Variants in SOX5 observed in about 807,000 individuals in gnomAD.
SOX5 encodes transcription factor SOX-5.
A neutral mutation model predicts 92.0 loss-of-function variants in SOX5; 9 were observed. That is an observed-to-expected ratio of 0.10 (90% CI 0.06 to 0.17). SOX5 has a LOEUF of 0.17. SOX5 is among the 10% of genes least tolerant of loss of function. The pLI is 1.00. For synonymous variants in SOX5, 344 were observed against 336.3 expected (o/e 1.02, Z -0.25); for missense variants, 642 against 944.5 (o/e 0.68, Z 4.20).
At chr12:24,182,877 C>A (rs922794340) in intron 4 of SOX5, among the ~76,000 whole-genome samples, 32 of 152,104 alleles carry the variant, frequency 2.1e-4, no homozygotes, top group African/African-American at 7.5e-4. Context: ...CCACGCCCAG[C>A]TAATTTTTGT....
chr12:24,391,391 T>C (rs764021341), intron 1 of SOX5, among the ~76,000 whole-genome samples: 2 of 152,198 alleles, frequency 1.3e-5, no homozygotes, highest in Non-Finnish European at 2.9e-5. Flanking sequence ...TAAAAGTACA[T>C]GTATAGGTAC....
chr12:24,360,695 C>A (rs775029581), intron 2 of SOX5, among the ~76,000 whole-genome samples: 27 of 152,118 alleles, frequency 1.8e-4, no homozygotes, highest in Non-Finnish European at 3.4e-4. Context: ...TGGTTCATAG[C>A]GCAAGAGGCT....
intron 4 of SOX5, among the ~76,000 whole-genome samples, chr12:23,988,128 T>C (rs1950221840): frequency 6.6e-6 from 1 of 152,218 alleles, no homozygotes; most frequent in Non-Finnish European, 1.5e-5. Context: ...CACAAATTTT[T>C]AACTTGAAAA....
intron 1 of SOX5, among the ~76,000 whole-genome samples, chr12:24,429,186 A>G (rs1166754790): frequency 2.0e-5 from 3 of 152,004 alleles, no homozygotes; most frequent in Admixed American, 6.6e-5. Flanking sequence ...GCATGGTGGC[A>G]GGCGCCTGTA....
intron 5 of SOX5, among the ~76,000 whole-genome samples, chr12:23,737,720 A>G (rs1266923503): frequency 6.7e-6 from 1 of 150,328 alleles, no homozygotes; most frequent in Non-Finnish European, 1.5e-5. Flanking sequence ...CTGCATTCCT[A>G]ACTGCCTCTT....
intron 2 of SOX5, among the ~76,000 whole-genome samples, chr12:24,339,148 C>A (rs866376975): frequency 0.021 from 2,867 of 133,570 alleles, 88 homozygotes; most frequent in African/African-American, 0.075. Context: ...GTTTCTCTCT[C>A]TCTCTCTCTC....
At chr12:23,821,249 G>C (rs1225699396) in intron 3 of SOX5, among the ~76,000 whole-genome samples, 1 of 152,160 alleles carries the variant, frequency 6.6e-6, no homozygotes, top group Non-Finnish European at 1.5e-5. Flanking sequence ...GTATAGGAAT[G>C]CTTGTGATTT....
intron 6 of SOX5, among the ~76,000 whole-genome samples, chr12:23,723,830 CATT>C (rs1286960175): frequency 6.6e-6 from 1 of 151,742 alleles, no homozygotes; most frequent in Non-Finnish European, 1.5e-5. Context: ...CATTTATGTA[CATT>C]ATAAAGTTAG....
chr12:23,919,006 A>G (rs1568976762), intron 1 of SOX5, among the ~76,000 whole-genome samples: 1 of 152,188 alleles, frequency 6.6e-6, no homozygotes, highest in South Asian at 2.1e-4. Context: ...AAAAAATCAC[A>G]CTAAAAATCA....
chr12:24,213,811 G>A (rs1371647311), intron 3 of SOX5, among the ~76,000 whole-genome samples: 2 of 152,126 alleles, frequency 1.3e-5, no homozygotes, highest in South Asian at 2.1e-4. Context: ...GTCATCATAT[G>A]ATTAATTCAG....
chr12:23,699,223 C>G (rs2090293267), intron 6 of SOX5, among the ~76,000 whole-genome samples: 1 of 152,198 alleles, frequency 6.6e-6, no homozygotes, highest in South Asian at 2.1e-4. Context: ...TTCTTTAACT[C>G]AGAGAGACTG....
At chr12:23,540,539 A>G (rs530503213) in intron 13 of SOX5, among the ~76,000 whole-genome samples, 1 of 152,244 alleles carries the variant, frequency 6.6e-6, no homozygotes, top group African/African-American at 2.4e-5. Flanking sequence ...CTGGCAATAC[A>G]CTGAAAGTGA....
chr12:23,746,174 C>T (rs1251565290), intron 4 of SOX5, among the ~76,000 whole-genome samples: 1 of 152,082 alleles, frequency 6.6e-6, no homozygotes, highest in Non-Finnish European at 1.5e-5. Flanking sequence ...ATGATCATCC[C>T]CAAGTGCTTA....
chr12:23,899,180 C>A lies in SOX5; in HGVS notation c.39-3156G>T, dbSNP rs550742056. On this transcript the variant is annotated intron_variant, in intron 1 of 14. Coordinates refer to ENST00000451604, the MANE Select transcript of SOX5 (RefSeq NM_006940.6). The stretch of plus-strand genomic sequence containing the variant: ...ATCTCAGCACTTTGGGAGGCTGAGG[C>A]GGGCAGATCACATGAGTTCCAGATC... 1.4e-4 allele frequency among the ~76,000 whole-genome samples: 22 copies of A among 152,070 alleles called. No individual in the cohort carries two copies. The South Asian group carries it at 3.7e-3, about 26-fold the overall frequency.
chr12:23,992,285 T>G (rs555079465), intron 4 of SOX5, among the ~76,000 whole-genome samples: 50 of 152,268 alleles, frequency 3.3e-4, no homozygotes, highest in Non-Finnish European at 5.9e-4. Context: ...CTTATTTTCC[T>G]CAGGTAGAAA....
intron 2 of SOX5, among the ~76,000 whole-genome samples, chr12:23,863,481 C>A (rs1029051705): frequency 5.9e-5 from 9 of 152,132 alleles, no homozygotes; most frequent in African/African-American, 2.2e-4. Flanking sequence ...CAATCCACAT[C>A]TCTGATTCCT....
intron 2 of SOX5, among the ~76,000 whole-genome samples, chr12:24,279,142 A>G (rs1378478932): frequency 6.6e-6 from 1 of 152,166 alleles, no homozygotes; most frequent in African/African-American, 2.4e-5. Context: ...TGTCAAGTCA[A>G]ATTTTGAGGT....
chr12:24,121,749 G>A (rs1056468721), intron 4 of SOX5, among the ~76,000 whole-genome samples: 15 of 151,404 alleles, frequency 9.9e-5, no homozygotes, highest in African/African-American at 2.4e-4. Flanking sequence ...AGCCAGGCGC[G>A]GTGGTAGGCG....
chr12:24,021,936 C>T (rs946268528), intron 4 of SOX5, among the ~76,000 whole-genome samples: 1 of 152,110 alleles, frequency 6.6e-6, no homozygotes, highest in African/African-American at 2.4e-5. Context: ...CTTCTCTTAT[C>T]GAACATATTA....
Sources: allele counts gnomAD v4.1 joint callset (sites outside exome capture counted in the v4.1 genomes callset), GRCh38; gene constraint gnomAD v4.1.1; transcripts MANE v1.5; gene names NCBI Gene and HGNC (gene_info 2026-07-23, HGNC 2026-07-21).